TBCK: variants seen among roughly 807,000 people sequenced by gnomAD.
TBCK encodes TBC1 domain containing kinase.
TBCK carries 99 observed loss-of-function variants against 113.4 expected under a neutral mutation model. The ratio of observed to expected loss-of-function variants is 0.87; its 90% CI spans 0.74 to 1.03. TBCK has a LOEUF of 1.03. Ranked by LOEUF, TBCK falls within the 50% of genes least tolerant of loss-of-function variation. TBCK has a pLI of 0.00. For synonymous variants in TBCK, 369 were observed against 370.8 expected (o/e 1.00, Z 0.05); for missense variants, 1,045 against 1,061.3 (o/e 0.98, Z 0.21).
chr4:106,116,096 T>G, intron 24 of TBCK, 107 bp downstream of exon 24: 2 of 1,081,450 alleles, frequency 1.8e-6, no homozygotes, highest in Non-Finnish European at 2.6e-6. Context: ...CTACTTGAAT[T>G]CAGAAGAATC....
At chr4:106,105,613 G>T (rs932819054) in intron 24 of TBCK, among the ~76,000 whole-genome samples, 1 of 152,218 alleles carries the variant, frequency 6.6e-6, no homozygotes, top group Non-Finnish European at 1.5e-5. Context: ...AGTGTCACCT[G>T]CTGGATAAAC....
chr4:106,081,739 G>A (rs761271644), intron 25 of TBCK, among the ~76,000 whole-genome samples: 17 of 152,080 alleles, frequency 1.1e-4, no homozygotes, highest in Non-Finnish European at 2.2e-4. Context: ...GAATCTATAA[G>A]AAACTTAAAT....
At chr4:106,235,876 G>T (rs1405710872) in intron 14 of TBCK, among the ~76,000 whole-genome samples, 3 of 151,990 alleles carry the variant, frequency 2.0e-5, no homozygotes, top group Non-Finnish European at 4.4e-5. Flanking sequence ...TGTTGTTAAG[G>T]TTCTTGATAT....
intron 25 of TBCK, among the ~76,000 whole-genome samples, chr4:106,074,343 T>C (rs780814669): frequency 6.6e-6 from 1 of 152,214 alleles, no homozygotes; most frequent in Non-Finnish European, 1.5e-5. Context: ...ATTATCATCA[T>C]ACATAAGATA....
At chr4:106,060,791 T>C (rs539115322) in intron 25 of TBCK, among the ~76,000 whole-genome samples, 9 of 151,852 alleles carry the variant, frequency 5.9e-5, no homozygotes, top group African/African-American at 2.2e-4. Context: ...AATCCACCAT[T>C]CTAGATGCCT....
chr4:106,283,021 T>C (rs1764767576), intron 3 of TBCK, among the ~76,000 whole-genome samples: 1 of 152,270 alleles, frequency 6.6e-6, no homozygotes, highest in South Asian at 2.1e-4. Context: ...CCTCTAACCA[T>C]ATCATTTTAT....
intron 3 of TBCK, among the ~76,000 whole-genome samples, chr4:106,288,945 C>T (rs951210581): frequency 2.0e-5 from 3 of 152,172 alleles, no homozygotes; most frequent in East Asian, 1.9e-4. Flanking sequence ...AAATGAAGTT[C>T]GTGTTTACAC....
intron 22 of TBCK, among the ~76,000 whole-genome samples, chr4:106,179,301 C>T (rs1237085706): frequency 1.3e-5 from 2 of 151,896 alleles, no homozygotes; most frequent in East Asian, 3.9e-4. Context: ...TTTGTTCCTG[C>T]TTTTCTACTT....
In TBCK at chr4:106,219,499, C is replaced by T. The variant is rs531713414; in HGVS notation, c.1775-6664G>A. On this transcript the variant is annotated intron_variant, in intron 19 of 25. Coordinates refer to ENST00000394708, the MANE Select transcript of TBCK (RefSeq NM_001163435.3). ...CAATTAAAAATATATTTTGTTGATT[C>T]TAATTCTATTAGAATTCATAGAGTT... is the stretch of plus-strand genomic sequence containing the variant. 2.0e-5 allele frequency among the ~76,000 whole-genome samples: 3 copies of T among 152,070 alleles called. No homozygotes were observed. In the South Asian group the frequency reaches 6.2e-4, roughly 32 times the overall value.
At chr4:106,233,118 A>C (rs1759052781) in intron 16 of TBCK, 54 bp from the exon 17 acceptor site, 4 of 1,486,800 alleles carry the variant, frequency 2.7e-6, no homozygotes, top group Non-Finnish European at 2.8e-6. Context: ...ATCAGCAATA[A>C]ACCCTTAATC....
chr4:106,176,645 A>G (rs917629596), intron 22 of TBCK, among the ~76,000 whole-genome samples: 5 of 152,028 alleles, frequency 3.3e-5, no homozygotes, highest in African/African-American at 1.2e-4. Flanking sequence ...TAAACATGAG[A>G]GTGCAGACAT....
rs56317078 is a variant in TBCK, at chr4:106,231,725, T to A, written c.1690+4A>T. 2.4e-4 allele frequency: 389 copies of A among 1,607,146 alleles called. No individual in the cohort carries two copies. The East Asian group carries it at 6.8e-3, about 28-fold the overall frequency. Reference sequence around the variant, plus strand: ...ATGATTATTTAAATGTTAAAGAGGCTTACCTTCATTATTGAAGTTTAGATA... The same window carrying A: ...ATGATTATTTAAATGTTAAAGAGGCATACCTTCATTATTGAAGTTTAGATA... On this transcript the variant is annotated splice_donor_region_variant and intron_variant, in intron 18 of 25. Coordinates refer to ENST00000394708, the MANE Select transcript of TBCK (RefSeq NM_001163435.3).
chr4:106,251,725 T>TC, intron 6 of TBCK, 141 bp downstream of exon 6: 5 of 709,366 alleles, frequency 7.0e-6, no homozygotes, highest in Non-Finnish European at 1.0e-5. Context: ...TCAAACATGA[T>TC]TAAGTCAAAT....
intron 19 of TBCK, among the ~76,000 whole-genome samples, chr4:106,225,082 C>G (rs1348385601): frequency 2.0e-5 from 3 of 152,138 alleles, no homozygotes; most frequent in Non-Finnish European, 4.4e-5. Context: ...GAAAGAATCT[C>G]AATTCTGTAA....
intron 2 of TBCK, among the ~76,000 whole-genome samples, chr4:106,305,837 C>T (rs1767459172): frequency 6.6e-6 from 1 of 152,190 alleles, no homozygotes; most frequent in South Asian, 2.1e-4. Flanking sequence ...CACTGCTACA[C>T]TCCTACCAGT....
At chr4:106,063,060 G>C (rs1004494163) in intron 25 of TBCK, among the ~76,000 whole-genome samples, 1 of 151,886 alleles carries the variant, frequency 6.6e-6, no homozygotes, top group Non-Finnish European at 1.5e-5. Context: ...TAACAAATCA[G>C]AGTTATGTAG....
intron 19 of TBCK, among the ~76,000 whole-genome samples, chr4:106,220,722 A>G (rs1489927533): frequency 6.6e-6 from 1 of 152,220 alleles, no homozygotes; most frequent in African/African-American, 2.4e-5. Context: ...TCTGCACAAA[A>G]AAGGTACAAT....
At chr4:106,310,817 T>C (rs1353270844) in intron 1 of TBCK, among the ~76,000 whole-genome samples, 2 of 152,068 alleles carry the variant, frequency 1.3e-5, no homozygotes, top group Non-Finnish European at 2.9e-5. Context: ...CCTCCAAAAA[T>C]CTGGCTTTGG....
At chr4:106,138,637 G>C (rs1202867716) in intron 23 of TBCK, among the ~76,000 whole-genome samples, 1 of 141,280 alleles carries the variant, frequency 7.1e-6, no homozygotes, top group African/African-American at 2.5e-5. Flanking sequence ...GGCAAAAACA[G>C]GGTCAAAGTG....
Sources: gnomAD v4.1 joint callset for allele counts (sites outside exome capture counted in the v4.1 genomes callset) on GRCh38, gnomAD v4.1.1 for gene constraint, MANE v1.5 for transcripts, NCBI Gene and HGNC (gene_info 2026-07-23, HGNC 2026-07-21) for gene names.